The following RHD variants were observed in gnomAD, a reference collection of about 807,000 sequenced individuals.
RHD encodes Rh blood group D antigen, also known as blood group Rh(D) polypeptide.
In RHD, 16 loss-of-function variants were observed where a neutral mutation model predicts 45.5. That is an observed-to-expected ratio of 0.35 (90% CI 0.24 to 0.53). The LOEUF is 0.53. Ranked by LOEUF, RHD falls within the 20% of genes least tolerant of loss-of-function variation. The pLI, the probability that RHD is intolerant of heterozygous loss-of-function variation, is 0.92. For synonymous variants in RHD, 131 were observed against 217.5 expected, an observed-to-expected ratio of 0.60 and a Z score of 3.50; for missense variants, 306 against 532.0, an observed-to-expected ratio of 0.58 and a Z score of 4.18.
rs189186518 is a variant in RHD at position 25,280,664 on chromosome 1, T to G, written c.149-3909T>G. On this transcript the variant is annotated intron_variant, in intron 1 of 9. Coordinates refer to ENST00000328664, the MANE Select transcript of RHD (RefSeq NM_016124.6). ...CCCTCTGTCACCCAGGCTGCTGGAGTGTAGTGGTGTGACCGCAGCTCACTG... is the reference window on the plus strand; with the variant it reads ...CCCTCTGTCACCCAGGCTGCTGGAGGGTAGTGGTGTGACCGCAGCTCACTG... Among the ~76,000 whole-genome samples the G allele has an allele frequency of 8.2e-4, 93 of 112,918 alleles. 6 individuals carry two copies. The East Asian group carries it at 0.018, about 22-fold the overall frequency. 74.1% of individuals were successfully genotyped at this position (112,918 alleles called of 152,430 possible).
chr1:25,284,621 C>T lies in RHD; in HGVS notation c.197C>T (p.Thr66Ile). The change falls in exon 2 of 10, where the codon ACC (threonine) becomes ATC (isoleucine). Residue 66 changes from threonine (T) to isoleucine (I), a missense_variant. Physicochemically the swap from Thr to Ile is moderately conservative, Grantham distance 89. Coordinates refer to ENST00000328664, the MANE Select transcript of RHD (RefSeq NM_016124.6). Reference protein sequence around the residue: ...VMAAIGLGFLTSSFRRHSWSS... With the variant: ...VMAAIGLGFLISSFRRHSWSS... ...GCGGCCATTGGCTTGGGCTTCCTCA[C>T]CTCGAGTTTCCGGAGACACAGCTGG... 1.4e-6 allele frequency: 2 copies of T among 1,389,182 alleles called. No homozygotes were observed. Among genetic ancestry groups the T allele is most frequent in the Non-Finnish European group, 2.0e-6 (2 of 985,612 alleles). 86.1% of individuals were successfully genotyped at this position (1,389,182 alleles called of 1,614,324 possible).
At position 25,320,393 on chromosome 1, in the gene RHD, T is replaced by G. The variant is rs1004399944; in HGVS notation, c.1154-1496T>G. ...GTTGTCTCAGAAGACAAAATATATT[T>G]TAGACAGATATTCCTCAGTGATGAG... On this transcript the variant is annotated intron_variant, in intron 8 of 9. Coordinates refer to ENST00000328664, the MANE Select transcript of RHD (RefSeq NM_016124.6). Among the ~76,000 whole-genome samples the G allele has an allele frequency of 5.3e-5, 7 of 132,180 alleles. 2 individuals are homozygous for G. Among genetic ancestry groups the G allele is most frequent in the African/African-American group, 1.8e-4 (7 of 38,874 alleles). 86.7% of individuals were successfully genotyped at this position (132,180 alleles called of 152,430 possible). A position where few individuals can be genotyped will look rare whatever the true frequency, so the allele number is the denominator to read the frequency against.
intron 7 of RHD, among the ~76,000 whole-genome samples, chr1:25,315,116 AC>A: frequency 7.7e-6 from 1 of 129,216 alleles, no homozygotes; most frequent in Non-Finnish European, 1.8e-5. Context: ...AGATCACGCC[AC>A]TGCACTCCAG....
At chr1:25,292,575 T>C (rs650400) in intron 3 of RHD, among the ~76,000 whole-genome samples, 4,297 of 128,032 alleles carry the variant, frequency 0.034, 443 homozygotes, top group African/African-American at 0.11. Flanking sequence ...AGATGGGGAA[T>C]GTTGGGGTGG....
In RHD at chr1:25,276,201, T is replaced by C. The variant is rs796155501; in HGVS notation, c.148+3506T>C. The stretch of plus-strand genomic sequence containing the variant: ...AAAGCATGGTGGGTTGTTTTTGTTT[T>C]TGTTTTTTAAGTCTCCATCTGTTAG... On this transcript the variant is annotated intron_variant, in intron 1 of 9. Transcript: ENST00000328664. Among the ~76,000 whole-genome samples, 13 of 131,358 alleles carry C rather than the reference T, an allele frequency of 9.9e-5. 2 individuals are homozygous for C. The highest frequency in any genetic ancestry group is 3.0e-4 in the Admixed American group (4 of 13,404). The allele number at this position is 131,358 out of a possible 152,430, so 86.2% of individuals were successfully genotyped here.
intron 6 of RHD, among the ~76,000 whole-genome samples, chr1:25,305,167 G>A (rs1157892350): frequency 2.3e-5 from 3 of 130,520 alleles, no homozygotes; most frequent in African/African-American, 7.9e-5. Flanking sequence ...TGACAGAGAA[G>A]TAGTATTAGC....
At chr1:25,297,139 A>G (rs1643024996) in intron 3 of RHD, among the ~76,000 whole-genome samples, 1 of 110,212 alleles carries the variant, frequency 9.1e-6, no homozygotes, top group African/African-American at 3.1e-5. Context: ...ATCAATCTGG[A>G]GCAGTTTCTT....
intron 3 of RHD, among the ~76,000 whole-genome samples, chr1:25,291,573 C>A (rs1642513282): frequency 7.6e-6 from 1 of 132,366 alleles, no homozygotes; most frequent in African/African-American, 2.6e-5. Flanking sequence ...ACACAACAAA[C>A]CAATGCCTTT....
intron 6 of RHD, 147 bp downstream of exon 6, chr1:25,303,606 TC>T: frequency 1.1e-6 from 1 of 905,274 alleles, no homozygotes. Flanking sequence ...GAGGGATCCA[TC>T]CTGGCTCGGT....
chr1:25,287,561 A>T (rs1642140501), intron 2 of RHD, among the ~76,000 whole-genome samples: 1 of 134,728 alleles, frequency 7.4e-6, no homozygotes, highest in South Asian at 2.2e-4. Flanking sequence ...AGCTTGTGCC[A>T]CTTGACTTGG....
In RHD at chr1:25,285,791, C is replaced by G. The variant is rs1040598514; in HGVS notation, c.335+1032C>G. 1.5e-5 allele frequency among the ~76,000 whole-genome samples: 2 copies of G among 135,092 alleles called. 1 individual carries two copies. The highest frequency in any genetic ancestry group is 5.1e-5 in the African/African-American group (2 of 39,014). 88.6% of individuals were successfully genotyped at this position (135,092 alleles called of 152,430 possible). On this transcript the variant is annotated intron_variant, in intron 2 of 9. Transcript: ENST00000328664. ...TCCTGAAACATTGTTTTGTTTTGTT[C>G]AAACCTCTGAATCCCTGTGCTGCCC... is the stretch of plus-strand genomic sequence containing the variant.
chr1:25,310,113 C>T (rs1438290896), intron 7 of RHD, among the ~76,000 whole-genome samples: 1 of 132,462 alleles, frequency 7.5e-6, no homozygotes. Flanking sequence ...TTGTCTCATT[C>T]CAGGATAACC....
rs1355662717 is a variant in RHD at position 25,293,999 on chromosome 1, C to A, written c.486+3208C>A. On this transcript the variant is annotated intron_variant, in intron 3 of 9. Transcript: ENST00000328664. Reference sequence around the variant, plus strand: ...AACTTAGATATAATTCCTCTCAAACCTTTTCCTCAAAGATTAAATTCTGAA... The same window carrying A: ...AACTTAGATATAATTCCTCTCAAACATTTTCCTCAAAGATTAAATTCTGAA... 5.3e-5 allele frequency among the ~76,000 whole-genome samples: 7 copies of A among 131,938 alleles called. 1 individual carries two copies. Among genetic ancestry groups the A allele is most frequent in the African/African-American group, 1.8e-4 (7 of 38,194 alleles). The allele number at this position is 131,938 out of a possible 152,430, so 86.6% of individuals were successfully genotyped here. A position where few individuals can be genotyped will look rare whatever the true frequency, so the allele number is the denominator to read the frequency against.
intron 7 of RHD, among the ~76,000 whole-genome samples, chr1:25,311,597 G>C (rs1468969904): frequency 7.7e-6 from 1 of 130,180 alleles, no homozygotes; most frequent in East Asian, 2.0e-4. Flanking sequence ...ATCAGGACAA[G>C]GGAGAAAAAC....
At position 25,278,755 on chromosome 1, in the gene RHD, C is replaced by G. The variant is rs1328382273; in HGVS notation, c.149-5818C>G. On this transcript the variant is annotated intron_variant, in intron 1 of 9. Coordinates refer to ENST00000328664, the MANE Select transcript of RHD (RefSeq NM_016124.6). ...GCTACTAGAAGACAGAGGAGTTTTC[C>G]CAGTGACATGTAAACACTCCAAACC... Among the ~76,000 whole-genome samples, 2 of 131,398 alleles carry G rather than the reference C, an allele frequency of 1.5e-5. 1 individual carries two copies. Among genetic ancestry groups the G allele is most frequent in the Non-Finnish European group, 3.6e-5 (2 of 55,416 alleles). 86.2% of individuals were successfully genotyped at this position (131,398 alleles called of 152,430 possible). A position where few individuals can be genotyped will look rare whatever the true frequency, so the allele number is the denominator to read the frequency against.
At chr1:25,307,930 C>A in intron 7 of RHD, 1 of 870,956 alleles carries the variant, frequency 1.1e-6, no homozygotes, top group Non-Finnish European at 1.8e-6. Flanking sequence ...CAATTCTAAG[C>A]AGAACCTTTC....
chr1:25,292,774 G>T (rs1157343513), intron 3 of RHD, among the ~76,000 whole-genome samples: 1 of 123,276 alleles, frequency 8.1e-6, no homozygotes, highest in African/African-American at 2.8e-5. Flanking sequence ...TTACAATACA[G>T]ATGGTGTTTA....
rs1326912677 is a variant in RHD, at chr1:25,287,229, G to A, written c.335+2470G>A. ...GGCACCCTGGGGGATTTCAAATGGTGGTGGCCCTGGTTTGGTGTTGCTGCC... is the reference window on the plus strand; with the variant it reads ...GGCACCCTGGGGGATTTCAAATGGTAGTGGCCCTGGTTTGGTGTTGCTGCC... On this transcript the variant is annotated intron_variant, in intron 2 of 9. Coordinates refer to ENST00000328664, the MANE Select transcript of RHD (RefSeq NM_016124.6). 2.2e-5 allele frequency among the ~76,000 whole-genome samples: 3 copies of A among 135,514 alleles called. 1 individual carries two copies. Among genetic ancestry groups the A allele is most frequent in the Non-Finnish European group, 5.3e-5 (3 of 57,054 alleles). 88.9% of individuals were successfully genotyped at this position (135,514 alleles called of 152,430 possible). A position where few individuals can be genotyped will look rare whatever the true frequency, so the allele number is the denominator to read the frequency against.
chr1:25,306,164 G>A (rs1411761133), intron 6 of RHD, among the ~76,000 whole-genome samples: 2 of 131,728 alleles, frequency 1.5e-5, no homozygotes, highest in Admixed American at 7.3e-5. Context: ...GTCTGGAGGC[G>A]TTCTTGGTTG....
Sources: allele counts gnomAD v4.1 joint callset (sites outside exome capture counted in the v4.1 genomes callset), GRCh38; gene constraint gnomAD v4.1.1; transcripts MANE v1.5; gene names NCBI Gene and HGNC (gene_info 2026-07-23, HGNC 2026-07-21).